Variants in SLC39A11 observed in about 807,000 individuals in gnomAD.
The protein encoded by SLC39A11 is zinc transporter ZIP11.
Under a neutral mutation model 36.1 loss-of-function variants are expected in SLC39A11, and 33 were observed. The ratio of observed to expected loss-of-function variants is 0.91; its 90% CI spans 0.69 to 1.22. The LOEUF is 1.22. Among genes scored for constraint, SLC39A11 ranks in the 50% most tolerant of loss-of-function variants. The pLI, the probability that SLC39A11 is intolerant of heterozygous loss-of-function variation, is 0.00. For missense variants in SLC39A11, 432 were observed against 430.3 expected (o/e 1.00, Z -0.03); for synonymous variants, 166 against 170.3 (o/e 0.97, Z 0.20).
intron 5 of SLC39A11, among the ~76,000 whole-genome samples, chr17:72,918,847 GA>G (rs2083476205): frequency 6.6e-6 from 1 of 152,128 alleles, no homozygotes; most frequent in Admixed American, 6.5e-5. Context: ...TAGATCACTT[GA>G]GGTCAGGAGT....
intron 7 of SLC39A11, among the ~76,000 whole-genome samples, chr17:72,692,518 A>T (rs2072084191): frequency 6.6e-6 from 1 of 152,196 alleles, no homozygotes; most frequent in Admixed American, 6.5e-5. Flanking sequence ...AGAGAAAATG[A>T]GGAAGAGGTA....
At chr17:72,822,555 T>A (rs1203135729) in intron 6 of SLC39A11, among the ~76,000 whole-genome samples, 3 of 150,834 alleles carry the variant, frequency 2.0e-5, no homozygotes, top group Admixed American at 1.3e-4. Context: ...CAGGTGTCAA[T>A]TTTCAGAGTA....
At chr17:72,661,390 GC>G (rs1055527552) in intron 7 of SLC39A11, among the ~76,000 whole-genome samples, 14 of 152,276 alleles carry the variant, frequency 9.2e-5, no homozygotes, top group African/African-American at 3.4e-4. Flanking sequence ...CGAAGGGACG[GC>G]AACCTGCAGC....
chr17:72,922,328 A>G (rs1352540245), intron 5 of SLC39A11, among the ~76,000 whole-genome samples: 1 of 152,208 alleles, frequency 6.6e-6, no homozygotes, highest in African/African-American at 2.4e-5. Context: ...TCACTTCAAT[A>G]AACTACTTAA....
intron 6 of SLC39A11, among the ~76,000 whole-genome samples, chr17:72,774,911 C>T (rs2076080864): frequency 6.6e-6 from 1 of 152,076 alleles, no homozygotes; most frequent in African/African-American, 2.4e-5. Flanking sequence ...TCCTTATTCC[C>T]TTCTCCTTGG....
Position 72,816,602 on chromosome 17 carries a change from A to G in SLC39A11, c.601+33032T>C, listed in dbSNP as rs565752476. Among the ~76,000 whole-genome samples, 174 of 152,312 alleles carry G rather than the reference A, an allele frequency of 1.1e-3. 1 individual carries two copies. The highest frequency in any genetic ancestry group is 4.6e-4 in the Non-Finnish European group (31 of 68,026). Reference sequence around the variant, plus strand: ...ATCCAGATTTGCAGAGGTGTCTGTCAACCACGGCTGGAGGCTCCTAATCCC... The same window carrying G: ...ATCCAGATTTGCAGAGGTGTCTGTCGACCACGGCTGGAGGCTCCTAATCCC... On this transcript the variant is annotated intron_variant, in intron 6 of 9. Coordinates refer to ENST00000255559, the MANE Select transcript of SLC39A11 (RefSeq NM_139177.4).
chr17:73,014,741 T>C (rs112725784), intron 4 of SLC39A11, among the ~76,000 whole-genome samples: 1 of 152,304 alleles, frequency 6.6e-6, no homozygotes, highest in African/African-American at 2.4e-5. Context: ...TTTGAGGCCC[T>C]TGTTCTCTTC....
intron 3 of SLC39A11, among the ~76,000 whole-genome samples, chr17:73,061,023 C>T (rs1386904065): frequency 6.6e-6 from 1 of 152,204 alleles, no homozygotes; most frequent in Non-Finnish European, 1.5e-5. Flanking sequence ...CTGACAAGTA[C>T]AGGTTTGTGA....
intron 7 of SLC39A11, among the ~76,000 whole-genome samples, chr17:72,658,252 T>C (rs760942962): frequency 6.6e-6 from 1 of 152,156 alleles, no homozygotes; most frequent in African/African-American, 2.4e-5. Context: ...GGCCTCTCCG[T>C]GGGCTGGATG....
intron 7 of SLC39A11, among the ~76,000 whole-genome samples, chr17:72,703,083 T>C (rs2072727024): frequency 6.6e-6 from 1 of 152,100 alleles, no homozygotes; most frequent in Non-Finnish European, 1.5e-5. Flanking sequence ...ACACCAGAGC[T>C]GTCGGTTGGC....
intron 5 of SLC39A11, among the ~76,000 whole-genome samples, chr17:72,886,219 A>G (rs4969123): frequency 0.52 from 79,245 of 152,034 alleles, 22,594 homozygotes; most frequent in African/African-American, 0.75. Context: ...TCCCCTGGGC[A>G]ATCTCAACCA....
chr17:72,955,469 A>ATTT (rs57079729), intron 4 of SLC39A11, among the ~76,000 whole-genome samples: 13 of 128,666 alleles, frequency 1.0e-4, no homozygotes, highest in East Asian at 2.3e-4. Context: ...CGTCTGGCTA[A>ATTT]TTTTTTTTTT....
In SLC39A11 at chr17:72,824,244, C is replaced by A. The variant is rs2077919593; in HGVS notation, c.601+25390G>T. Among the ~76,000 whole-genome samples, 3 of 151,130 alleles carry A rather than the reference C, an allele frequency of 2.0e-5. No homozygotes were observed. The South Asian group carries it at 6.3e-4, about 32-fold the overall frequency. On this transcript the variant is annotated intron_variant, in intron 6 of 9. Transcript: ENST00000255559. ...AATCTCATTGTTTAAAAGTGTGTAGCACCTTCCCCTTCACTCTCTCTCTCT... is the reference window on the plus strand; with the variant it reads ...AATCTCATTGTTTAAAAGTGTGTAGAACCTTCCCCTTCACTCTCTCTCTCT...
chr17:72,853,125 CCA>C (rs1249969423), intron 5 of SLC39A11, among the ~76,000 whole-genome samples: 3 of 152,154 alleles, frequency 2.0e-5, no homozygotes, highest in Non-Finnish European at 4.4e-5. Flanking sequence ...AGCAATCCTC[CCA>C]CCTCGGCCTC....
intron 7 of SLC39A11, among the ~76,000 whole-genome samples, chr17:72,730,788 T>C (rs569515317): frequency 6.6e-6 from 1 of 152,268 alleles, no homozygotes; most frequent in Non-Finnish European, 1.5e-5. Context: ...GCCCCCTGAG[T>C]AGATGGGACC....
At chr17:73,063,904 T>G (rs2059920903) in intron 3 of SLC39A11, among the ~76,000 whole-genome samples, 1 of 152,198 alleles carries the variant, frequency 6.6e-6, no homozygotes, top group Admixed American at 6.5e-5. Context: ...CGTGTGTCCC[T>G]TCCTCCATCT....
At position 72,891,637 on chromosome 17, in the gene SLC39A11, C is replaced by T. The variant is rs1050483156; in HGVS notation, c.431-41833G>A. 2.0e-5 allele frequency among the ~76,000 whole-genome samples: 3 copies of T among 152,028 alleles called. No individual in the cohort carries two copies. In the South Asian group the frequency reaches 6.2e-4, roughly 32 times the overall value. ...TACTCCCTGGTCACTCTCTCTCCGG[C>T]CATTACCTCGCTTTTACTTCCCTCT... is the stretch of plus-strand genomic sequence containing the variant. On this transcript the variant is annotated intron_variant, in intron 5 of 9. Coordinates refer to ENST00000255559, the MANE Select transcript of SLC39A11 (RefSeq NM_139177.4).
chr17:72,717,423 G>T (rs546519879), intron 7 of SLC39A11, among the ~76,000 whole-genome samples: 10 of 152,082 alleles, frequency 6.6e-5, no homozygotes, highest in African/African-American at 2.4e-4. Context: ...CCCCCTGAAG[G>T]CTCTAGGGGA....
At chr17:72,901,527 C>T (rs151245839) in intron 5 of SLC39A11, among the ~76,000 whole-genome samples, 1 of 152,138 alleles carries the variant, frequency 6.6e-6, no homozygotes, top group African/African-American at 2.4e-5. Flanking sequence ...GGAAGGCAGA[C>T]CACAGGAGAG....
Sources: gnomAD v4.1 joint callset for allele counts (sites outside exome capture counted in the v4.1 genomes callset) on GRCh38, gnomAD v4.1.1 for gene constraint, MANE v1.5 for transcripts, NCBI Gene and HGNC (gene_info 2026-07-23, HGNC 2026-07-21) for gene names.